Variants in ARHGAP10 observed in about 807,000 individuals in gnomAD.
ARHGAP10 encodes the protein Rho GTPase activating protein 10, also known as rho GTPase-activating protein 10.
A neutral mutation model predicts 108.6 loss-of-function variants in ARHGAP10; 87 were observed. The observed-to-expected ratio is 0.80, with a 90% CI of 0.67 to 0.96. ARHGAP10 has a LOEUF of 0.96. Among genes scored for constraint, ARHGAP10 ranks in the 40% least tolerant of loss-of-function variants. The pLI is 0.00. For synonymous variants in ARHGAP10, 347 were observed against 341.1 expected (o/e 1.02, Z -0.19); for missense variants, 939 against 954.5 (o/e 0.98, Z 0.21).
chr4:147,944,171 A>G (rs1316160786), intron 14 of ARHGAP10, among the ~76,000 whole-genome samples: 1 of 152,212 alleles, frequency 6.6e-6, no homozygotes, highest in Non-Finnish European at 1.5e-5. Flanking sequence ...TTGGTTGGCA[A>G]AGTCTTTAGA....
At chr4:147,924,123 C>G (rs758425760) in intron 13 of ARHGAP10, among the ~76,000 whole-genome samples, 26 of 152,202 alleles carry the variant, frequency 1.7e-4, no homozygotes, top group Non-Finnish European at 2.8e-4. Context: ...CCAGGCACAT[C>G]AGGACTGAAT....
chr4:147,914,390 C>G (rs1397428917), intron 13 of ARHGAP10, among the ~76,000 whole-genome samples: 1 of 151,416 alleles, frequency 6.6e-6, no homozygotes, highest in Non-Finnish European at 1.5e-5. Flanking sequence ...TAGGGCCTCA[C>G]TCTGTCACCC....
chr4:147,910,377 T>A (rs148383039), intron 12 of ARHGAP10, among the ~76,000 whole-genome samples: 6 of 152,280 alleles, frequency 3.9e-5, no homozygotes, highest in Admixed American at 3.9e-4. Context: ...CAAAATACTT[T>A]CTCTACATTT....
intron 18 of ARHGAP10, among the ~76,000 whole-genome samples, chr4:147,969,885 A>G (rs920150557): frequency 3.3e-5 from 5 of 152,304 alleles, no homozygotes; most frequent in African/African-American, 1.2e-4. Context: ...ACGTTAATTA[A>G]GTGCTCTCAG....
intron 10 of ARHGAP10, among the ~76,000 whole-genome samples, chr4:147,902,804 C>A (rs891197396): frequency 1.3e-5 from 2 of 150,730 alleles, no homozygotes; most frequent in South Asian, 4.2e-4. Context: ...TGTACAGGAA[C>A]AGGAGGCATG....
At chr4:147,807,513 T>C (rs1237756162) in intron 1 of ARHGAP10, among the ~76,000 whole-genome samples, 1 of 151,802 alleles carries the variant, frequency 6.6e-6, no homozygotes, top group African/African-American at 2.4e-5. Flanking sequence ...CGTAAAGAGG[T>C]CGGTGTATTT....
In ARHGAP10 at chr4:147,741,792, G is replaced by GCACACACACA. The variant is rs112095776; in HGVS notation, c.154+9365_154+9374dup. On this transcript the variant is annotated intron_variant, in intron 1 of 22. Coordinates refer to ENST00000336498, the MANE Select transcript of ARHGAP10 (RefSeq NM_024605.4). ...TACACACACACACACACACACACAC[G>GCACACACACA]CACACACACACACACACACACACAC... 9.6e-3 allele frequency among the ~76,000 whole-genome samples: 552 copies of GCACACACACA among 57,630 alleles called. 3 individuals carry two copies. Among genetic ancestry groups the GCACACACACA allele is most frequent in the African/African-American group, 0.017 (489 of 29,152 alleles). 37.8% of individuals were successfully genotyped at this position (57,630 alleles called of 152,430 possible).
At chr4:147,843,116 C>A (rs1283853412) in intron 3 of ARHGAP10, among the ~76,000 whole-genome samples, 1 of 152,136 alleles carries the variant, frequency 6.6e-6, no homozygotes, top group Non-Finnish European at 1.5e-5. Context: ...TACTGGGCAC[C>A]CCTTTTCTCC....
chr4:147,945,912 A>G (rs1738359115), intron 14 of ARHGAP10, among the ~76,000 whole-genome samples: 1 of 152,174 alleles, frequency 6.6e-6, no homozygotes, highest in Non-Finnish European at 1.5e-5. Context: ...CCCACCTCTC[A>G]TATTGAACGC....
intron 3 of ARHGAP10, among the ~76,000 whole-genome samples, chr4:147,835,532 C>T (rs1199096729): frequency 6.6e-6 from 1 of 152,170 alleles, no homozygotes; most frequent in Non-Finnish European, 1.5e-5. Context: ...TGCCACCATG[C>T]CTGGCTAAAT....
At chr4:147,860,575 C>T (rs1318995623) in intron 5 of ARHGAP10, among the ~76,000 whole-genome samples, 16 of 150,492 alleles carry the variant, frequency 1.1e-4, no homozygotes, top group Non-Finnish European at 1.5e-5. Context: ...GCTTCTACCT[C>T]CATCCACACC....
At chr4:147,740,892 A>G (rs537781345) in intron 1 of ARHGAP10, among the ~76,000 whole-genome samples, 14 of 152,034 alleles carry the variant, frequency 9.2e-5, no homozygotes, top group Non-Finnish European at 1.5e-4. Flanking sequence ...CTTTTCCCCA[A>G]GGGGTAGGAC....
chr4:147,889,109 A>G (rs17614025), intron 10 of ARHGAP10, among the ~76,000 whole-genome samples: 105,546 of 152,172 alleles, frequency 0.69, 43,296 homozygotes, highest in Non-Finnish European at 0.91. Flanking sequence ...TTGTTGCTCA[A>G]AAGTGACTGA....
At chr4:148,060,258 AT>A (rs1273276134) in intron 20 of ARHGAP10, among the ~76,000 whole-genome samples, 2 of 151,810 alleles carry the variant, frequency 1.3e-5, no homozygotes, top group Non-Finnish European at 2.9e-5. Flanking sequence ...TTTAGATGAT[AT>A]TTAAAAAATG....
intron 19 of ARHGAP10, among the ~76,000 whole-genome samples, chr4:148,038,793 C>A (rs1728493746): frequency 6.6e-6 from 1 of 152,218 alleles, no homozygotes; most frequent in Admixed American, 6.5e-5. Flanking sequence ...TCACCCTCCG[C>A]TGGTGAAAGA....
intron 1 of ARHGAP10, among the ~76,000 whole-genome samples, chr4:147,794,602 G>A (rs1579054408): frequency 1.3e-5 from 2 of 152,100 alleles, no homozygotes; most frequent in East Asian, 3.8e-4. Context: ...GATTTTTTGG[G>A]ATTGGTTTTT....
At chr4:147,741,332 A>G (rs1728648664) in intron 1 of ARHGAP10, among the ~76,000 whole-genome samples, 1 of 152,214 alleles carries the variant, frequency 6.6e-6, no homozygotes, top group South Asian at 2.1e-4. Flanking sequence ...GTATTTTGTT[A>G]CCAGCCCAGC....
chr4:147,794,682 A>G (rs1197911618), intron 1 of ARHGAP10, among the ~76,000 whole-genome samples: 1 of 152,110 alleles, frequency 6.6e-6, no homozygotes, highest in Non-Finnish European at 1.5e-5. Context: ...GTAGTTTGGG[A>G]TTGTTCATTC....
intron 3 of ARHGAP10, among the ~76,000 whole-genome samples, chr4:147,843,206 G>A (rs1041735400): frequency 8.5e-5 from 13 of 152,136 alleles, no homozygotes; most frequent in Non-Finnish European, 1.0e-4. Context: ...ATCTCCTCCC[G>A]TGTCAGAGAT....
Sources: gnomAD v4.1 joint callset for allele counts (sites outside exome capture counted in the v4.1 genomes callset) on GRCh38, gnomAD v4.1.1 for gene constraint, MANE v1.5 for transcripts, NCBI Gene and HGNC (gene_info 2026-07-23, HGNC 2026-07-21) for gene names.